Variants in ANK3 observed in about 807,000 individuals in gnomAD.
The protein encoded by ANK3 is ankyrin 3.
ANK3 carries 57 observed loss-of-function variants against 370.9 expected under a neutral mutation model. That is an observed-to-expected ratio of 0.15 (90% CI 0.12 to 0.19). The LOEUF (loss-of-function observed/expected upper bound fraction) is 0.19. Ranked by LOEUF, ANK3 falls within the 10% of genes least tolerant of loss-of-function variation. The probability of loss-of-function intolerance (pLI) is 1.00; values close to 1 mark genes in which losing one functional copy is unlikely to be tolerated. For missense variants in ANK3, 4,439 were observed against 5,302.1 expected (o/e 0.84, Z 5.06); for synonymous variants, 1,929 against 1,946.3 (o/e 0.99, Z 0.23).
intron 1 of ANK3, among the ~76,000 whole-genome samples, chr10:60,286,285 T>G (rs910824634): frequency 2.0e-5 from 3 of 152,182 alleles, no homozygotes; most frequent in Non-Finnish European, 4.4e-5. Flanking sequence ...CTAAATATTA[T>G]GTAATTGACT....
chr10:60,160,690 G>T (rs2095476331), intron 23 of ANK3, among the ~76,000 whole-genome samples: 1 of 152,048 alleles, frequency 6.6e-6, no homozygotes, highest in Non-Finnish European at 1.5e-5. Context: ...ATAGTAGAAA[G>T]ATCATTCAAC....
chr10:60,162,140 G>A (rs1011389292), intron 23 of ANK3, among the ~76,000 whole-genome samples: 1 of 151,920 alleles, frequency 6.6e-6, no homozygotes, highest in African/African-American at 2.4e-5. Context: ...TTTTTTTGAA[G>A]CTAAAAATAT....
At position 60,479,738 on chromosome 10, in the gene ANK3, A is replaced by T. The variant is rs549577326; in HGVS notation, c.96+135448T>A. ...GCTGGTAGCATATAAAGAGACAGCC[A>T]ACTATGTTGGTCGAAATCATCCTTC... On this transcript the variant is annotated intron_variant, in intron 2 of 43. Coordinates refer to the ANK3 transcript ENST00000373827. Among the ~76,000 whole-genome samples, 3 of 152,102 alleles carry T rather than the reference A, an allele frequency of 2.0e-5. No individual in the cohort carries two copies. The South Asian group carries it at 6.3e-4, about 32-fold the overall frequency.
intron 2 of ANK3, among the ~76,000 whole-genome samples, chr10:60,583,286 C>T (rs1567163555): frequency 1.3e-5 from 2 of 152,008 alleles, no homozygotes; most frequent in African/African-American, 4.8e-5. Flanking sequence ...AGATCTCACT[C>T]ATATGTAGAA....
chr10:60,424,149 T>C (rs1442769266), intron 2 of ANK3, among the ~76,000 whole-genome samples: 1 of 151,914 alleles, frequency 6.6e-6, no homozygotes, highest in Non-Finnish European at 1.5e-5. Context: ...TATCTGTGAG[T>C]CACTATACTT....
chr10:60,236,067 A>C (rs192105935), intron 7 of ANK3, among the ~76,000 whole-genome samples: 40 of 152,334 alleles, frequency 2.6e-4, no homozygotes, highest in Admixed American at 2.2e-3. Flanking sequence ...GGGCAAAAAA[A>C]CATAATGAAC....
At chr10:60,223,144 C>T (rs1016954514) in intron 8 of ANK3, among the ~76,000 whole-genome samples, 3 of 152,074 alleles carry the variant, frequency 2.0e-5, no homozygotes, top group African/African-American at 7.2e-5. Context: ...AATGAAAATC[C>T]CAACCCTTTC....
intron 7 of ANK3, among the ~76,000 whole-genome samples, chr10:60,253,561 A>T (rs935817980): frequency 2.6e-5 from 4 of 152,260 alleles, no homozygotes; most frequent in African/African-American, 9.6e-5. Context: ...CAGCATAATT[A>T]TAAGAGCAAA....
intron 1 of ANK3, among the ~76,000 whole-genome samples, chr10:60,388,283 T>C (rs564145057): frequency 2.6e-5 from 4 of 152,316 alleles, no homozygotes; most frequent in South Asian, 4.1e-4. Context: ...AAGTCAGCTA[T>C]GCAACAAAAG....
At chr10:60,412,038 A>C (rs10761495) in intron 2 of ANK3, among the ~76,000 whole-genome samples, 85,926 of 151,872 alleles carry the variant, frequency 0.57, 24,591 homozygotes, top group South Asian at 0.64. Context: ...GTAAAGAGCC[A>C]TAAAAGTGGC....
chr10:60,345,621 A>G (rs2055273003), intron 1 of ANK3, among the ~76,000 whole-genome samples: 1 of 152,170 alleles, frequency 6.6e-6, no homozygotes, highest in Non-Finnish European at 1.5e-5. Flanking sequence ...GAAAGTAAAG[A>G]AGATAAGACA....
chr10:60,435,069 C>G (rs2132987222), intron 2 of ANK3, among the ~76,000 whole-genome samples: 1 of 152,314 alleles, frequency 6.6e-6, no homozygotes, highest in East Asian at 1.9e-4. Flanking sequence ...GGACCAACCT[C>G]ATTCTTGAGA....
chr10:60,558,915 A>G (rs1278868160), intron 2 of ANK3, among the ~76,000 whole-genome samples: 1 of 152,202 alleles, frequency 6.6e-6, no homozygotes, highest in Non-Finnish European at 1.5e-5. Context: ...ATCATGGAAC[A>G]AATTATTCTG....
chr10:60,679,003 CAAGA>C (rs1331105647), intron 1 of ANK3, among the ~76,000 whole-genome samples: 2 of 152,020 alleles, frequency 1.3e-5, no homozygotes, highest in African/African-American at 4.8e-5. Flanking sequence ...ATTTGAGGAA[CAAGA>C]AAGATGCTTG....
At chr10:60,370,960 G>A (rs1296179863) in intron 1 of ANK3, among the ~76,000 whole-genome samples, 1 of 152,112 alleles carries the variant, frequency 6.6e-6, no homozygotes, top group Non-Finnish European at 1.5e-5. Flanking sequence ...CAATCCCTGT[G>A]CATTCCATTC....
At chr10:60,150,121 C>G (rs2095038701) in intron 23 of ANK3, among the ~76,000 whole-genome samples, 1 of 152,156 alleles carries the variant, frequency 6.6e-6, no homozygotes, top group Admixed American at 6.5e-5. Flanking sequence ...CACTCCCTTT[C>G]CATGTCCATT....
At chr10:60,039,283 G>C (rs539799701) in intron 43 of ANK3, among the ~76,000 whole-genome samples, 21 of 152,324 alleles carry the variant, frequency 1.4e-4, no homozygotes, top group African/African-American at 5.1e-4. Flanking sequence ...GTGAGAACCT[G>C]AGCATTTTCC....
At chr10:60,145,873 G>C in intron 23 of ANK3, 1 of 685,324 alleles carries the variant, frequency 1.5e-6, no homozygotes, top group South Asian at 1.6e-5. Context: ...CTGGCACATA[G>C]TAGGTGCTCA....
chr10:60,168,301 C>G (rs1565431940), intron 21 of ANK3, among the ~76,000 whole-genome samples: 1 of 152,244 alleles, frequency 6.6e-6, no homozygotes, highest in Non-Finnish European at 1.5e-5. Context: ...GCTGGGAATA[C>G]AGGCATGAGC....
Sources: allele counts gnomAD v4.1 joint callset (sites outside exome capture counted in the v4.1 genomes callset), GRCh38; gene constraint gnomAD v4.1.1; transcripts MANE v1.5; gene names NCBI Gene and HGNC (gene_info 2026-07-23, HGNC 2026-07-21).